Variants in GRIP1 observed in about 807,000 individuals in gnomAD.
The protein encoded by GRIP1 is glutamate receptor interacting protein 1, also known as glutamate receptor-interacting protein 1.
GRIP1 carries 45 observed loss-of-function variants against 129.9 expected under a neutral mutation model. The ratio of observed to expected loss-of-function variants is 0.35; its 90% CI spans 0.27 to 0.44. GRIP1 has a LOEUF of 0.44. GRIP1 is among the 20% of genes least tolerant of loss of function. The pLI, the probability that GRIP1 is intolerant of heterozygous loss-of-function variation, is 1.00. For missense variants in GRIP1, 1,196 were observed against 1,396.8 expected (o/e 0.86, Z 2.29); for synonymous variants, 530 against 520.8 (o/e 1.02, Z -0.24).
chr12:66,872,231 G>A (rs923985510), intron 1 of GRIP1, among the ~76,000 whole-genome samples: 1 of 151,998 alleles, frequency 6.6e-6, no homozygotes, highest in African/African-American at 2.4e-5. Context: ...GCTTTAGGGG[G>A]AGTCCTAACT....
intron 16 of GRIP1, among the ~76,000 whole-genome samples, chr12:66,404,487 G>A (rs2057118307): frequency 6.6e-6 from 1 of 152,132 alleles, no homozygotes; most frequent in Non-Finnish European, 1.5e-5. Flanking sequence ...ACAGACCAAT[G>A]CCATGGCATG....
intron 1 of GRIP1, among the ~76,000 whole-genome samples, chr12:66,961,866 A>G (rs1003605371): frequency 2.6e-5 from 4 of 152,316 alleles, no homozygotes; most frequent in Admixed American, 2.6e-4. Context: ...ATATTGATCA[A>G]ACGAACAAAT....
At position 66,445,474 on chromosome 12, in the gene GRIP1, C is replaced by T. The variant is rs200499586; in HGVS notation, c.1389G>A (p.Gly463=). ...SLASSTVGLA[G]QVVHTETTEV... The stretch of plus-strand genomic sequence containing the variant: ...CTGTGGTTTCTGTGTGAACAACCTG[C>T]CCAGCCAATCCTACTGTGCTGGAGG... The change falls in exon 12 of 25, where the codon GGG becomes GGA. Residue 463 remains glycine (G), a synonymous_variant. Coordinates refer to ENST00000359742, the MANE Select transcript of GRIP1 (RefSeq NM_001366722.1). 6.1e-4 allele frequency: 990 copies of T among 1,613,948 alleles called. 11 individuals are homozygous for T. In the South Asian group the frequency reaches 0.01, roughly 17 times the overall value.
intron 1 of GRIP1, among the ~76,000 whole-genome samples, chr12:66,961,169 T>C (rs1280560384): frequency 6.6e-6 from 1 of 152,096 alleles, no homozygotes; most frequent in East Asian, 1.9e-4. Flanking sequence ...CCTTTTGCAA[T>C]ACCAGCACTT....
At chr12:66,544,047 T>C (rs1015742763) in intron 2 of GRIP1, among the ~76,000 whole-genome samples, 3 of 152,170 alleles carry the variant, frequency 2.0e-5, no homozygotes, top group Non-Finnish European at 4.4e-5. Flanking sequence ...GACAATGTCA[T>C]TTTCTCCAGA....
intron 1 of GRIP1, among the ~76,000 whole-genome samples, chr12:66,875,844 T>G (rs2040373294): frequency 6.6e-6 from 1 of 152,056 alleles, no homozygotes; most frequent in African/African-American, 2.4e-5. Context: ...GCTGAGAGAT[T>G]AATATAGAAT....
intron 1 of GRIP1, among the ~76,000 whole-genome samples, chr12:66,609,330 T>C (rs1410025463): frequency 6.6e-6 from 1 of 152,144 alleles, no homozygotes; most frequent in Admixed American, 6.6e-5. Context: ...TTCATGCAAC[T>C]CAAACCTATA....
chr12:66,892,741 T>C (rs558864437), intron 1 of GRIP1, among the ~76,000 whole-genome samples: 2 of 151,882 alleles, frequency 1.3e-5, no homozygotes, highest in Non-Finnish European at 2.9e-5. Context: ...GCAGGAGGAC[T>C]GCTTGAGCCT....
At chr12:66,762,063 G>A (rs1368514346) in intron 1 of GRIP1, among the ~76,000 whole-genome samples, 1 of 152,154 alleles carries the variant, frequency 6.6e-6, no homozygotes, top group African/African-American at 2.4e-5. Context: ...TATTTGTATA[G>A]CACTTAACTC....
intron 7 of GRIP1, among the ~76,000 whole-genome samples, chr12:66,489,769 C>G (rs547851096): frequency 6.6e-6 from 1 of 152,266 alleles, no homozygotes. Flanking sequence ...TCAGCAAAGT[C>G]TCAGGATACA....
chr12:67,058,734 C>T (rs1223334593), intron 1 of GRIP1, among the ~76,000 whole-genome samples: 2 of 152,202 alleles, frequency 1.3e-5, no homozygotes, highest in African/African-American at 4.8e-5. Flanking sequence ...CTATTTCTTT[C>T]TTTGCTGATG....
chr12:67,027,956 G>C (rs2042963785), intron 1 of GRIP1, among the ~76,000 whole-genome samples: 1 of 152,230 alleles, frequency 6.6e-6, no homozygotes, highest in African/African-American at 2.4e-5. Flanking sequence ...GAAGAGGGCA[G>C]ATGGATGTGG....
At chr12:66,785,339 C>CACATATATATATATATATAT (rs1555237378) in intron 1 of GRIP1, among the ~76,000 whole-genome samples, 1 of 36,458 alleles carries the variant, frequency 2.7e-5, no homozygotes, top group Non-Finnish European at 6.1e-5. Context: ...TACATACATA[C>CACATATATATATATATATAT]ATACATATAT....
intron 1 of GRIP1, among the ~76,000 whole-genome samples, chr12:66,983,304 C>G (rs1339999053): frequency 6.6e-6 from 1 of 152,196 alleles, no homozygotes; most frequent in Non-Finnish European, 1.5e-5. Context: ...AAATTAATAA[C>G]AAAAACTATA....
chr12:66,490,460 C>A (rs1231217137), intron 7 of GRIP1, among the ~76,000 whole-genome samples: 2 of 152,114 alleles, frequency 1.3e-5, no homozygotes, highest in South Asian at 2.1e-4. Context: ...CTTCCTTACA[C>A]CTTATACAAA....
At chr12:66,419,728 C>T (rs2137822408) in intron 15 of GRIP1, among the ~76,000 whole-genome samples, 1 of 152,350 alleles carries the variant, frequency 6.6e-6, no homozygotes, top group East Asian at 1.9e-4. Flanking sequence ...TTGGATGTCT[C>T]TTTGTCATAG....
At chr12:66,570,409 C>T (rs892893364) in intron 2 of GRIP1, among the ~76,000 whole-genome samples, 1 of 152,160 alleles carries the variant, frequency 6.6e-6, no homozygotes, top group Non-Finnish European at 1.5e-5. Context: ...CCACACCGGG[C>T]CTCAACTGAA....
rs1431420934 is a variant in GRIP1, at chr12:66,420,729, A to G, written c.1829T>C (p.Val610Ala). 2.6e-6 allele frequency: 4 copies of G among 1,561,954 alleles called. No homozygotes were observed. The highest frequency in any genetic ancestry group is 2.7e-5 in the African/African-American group (2 of 74,142). ...AATCCATTTTCCTTACCTGTGTGCC[A>G]CACTCCCTTTCTTGATATCTGAAAT... Reference protein sequence around the residue: ...LVISDIKKGSVAHRTGTLELG... With the variant: ...LVISDIKKGSAAHRTGTLELG... Residue 610 changes from valine (V) to alanine (A), a missense_variant, in exon 15 of 25, where the codon GTG becomes GCG. Transcript: ENST00000359742.
chr12:66,689,388 T>C (rs892994625), intron 1 of GRIP1, among the ~76,000 whole-genome samples: 32 of 152,152 alleles, frequency 2.1e-4, no homozygotes, highest in African/African-American at 6.0e-4. Flanking sequence ...TGGGAACCAA[T>C]CAAGTCAATC....
Sources: allele counts gnomAD v4.1 joint callset (sites outside exome capture counted in the v4.1 genomes callset), GRCh38; gene constraint gnomAD v4.1.1; transcripts MANE v1.5; gene names NCBI Gene and HGNC (gene_info 2026-07-23, HGNC 2026-07-21).